TNFSF4: variants seen among roughly 807,000 people sequenced by gnomAD.
TNFSF4 encodes the protein tumor necrosis factor ligand superfamily member 4.
Under a neutral mutation model 7.3 loss-of-function variants are expected in TNFSF4, and 4 were observed. The observed-to-expected ratio is 0.55, with a 90% CI of 0.27 to 1.25. TNFSF4 has a LOEUF of 1.25. Among genes scored for constraint, TNFSF4 ranks in the 50% most tolerant of loss-of-function variants. The pLI, the probability that TNFSF4 is intolerant of heterozygous loss-of-function variation, is 0.12. For missense variants in TNFSF4, 181 were observed against 208.8 expected, an observed-to-expected ratio of 0.87 and a Z score of 0.82; for synonymous variants, 76 against 83.7, an observed-to-expected ratio of 0.91 and a Z score of 0.50.
chr1:173,409,782 GCA>G, the TNFSF4 span, among the ~76,000 whole-genome samples: 1 of 152,144 alleles, frequency 6.6e-6, no homozygotes, highest in African/African-American at 2.4e-5. Flanking sequence ...GGTTACGCTG[GCA>G]GGAGGATGAA....
chr1:173,315,532 A>T, the TNFSF4 span, among the ~76,000 whole-genome samples: 1 of 152,140 alleles, frequency 6.6e-6, no homozygotes, highest in African/African-American at 2.4e-5. Flanking sequence ...ATGAAATCAT[A>T]CTGCAACCAT....
the TNFSF4 span, among the ~76,000 whole-genome samples, chr1:173,323,714 T>C: frequency 6.6e-6 from 1 of 151,876 alleles, no homozygotes; most frequent in African/African-American, 2.4e-5. Context: ...ACATGATGAA[T>C]GCACAAGCCA....
the TNFSF4 span, among the ~76,000 whole-genome samples, chr1:173,245,892 T>A: frequency 1.3e-5 from 2 of 152,258 alleles, no homozygotes; most frequent in African/African-American, 4.8e-5. Flanking sequence ...TCCAGGTTCA[T>A]CCATGTTGCC....
At chr1:173,339,303 GC>G in the TNFSF4 span, among the ~76,000 whole-genome samples, 1 of 152,084 alleles carries the variant, frequency 6.6e-6, no homozygotes, top group Non-Finnish European at 1.5e-5. Flanking sequence ...GTTCACTTGA[GC>G]CCAGGAGCTA....
At chr1:173,306,819 C>A in the TNFSF4 span, among the ~76,000 whole-genome samples, 1 of 151,868 alleles carries the variant, frequency 6.6e-6, no homozygotes, top group South Asian at 2.1e-4. Flanking sequence ...CTTGTCAGGC[C>A]AGATGCTAGA....
chr1:173,278,086 C>T, the TNFSF4 span, among the ~76,000 whole-genome samples: 3 of 152,224 alleles, frequency 2.0e-5, no homozygotes, highest in Non-Finnish European at 4.4e-5. Flanking sequence ...GCTCTCAGAT[C>T]ATTTAAATAG....
chr1:173,221,526 G>GT, the TNFSF4 span, among the ~76,000 whole-genome samples: 1 of 152,172 alleles, frequency 6.6e-6, no homozygotes. Context: ...ATTAGATACG[G>GT]TAAGTAATGG....
chr1:173,301,214 T>G, the TNFSF4 span, among the ~76,000 whole-genome samples: 3 of 151,902 alleles, frequency 2.0e-5, no homozygotes, highest in African/African-American at 7.2e-5. Flanking sequence ...AAATCTATTT[T>G]GATAGAAAAT....
At chr1:173,348,780 T>C in the TNFSF4 span, among the ~76,000 whole-genome samples, 1 of 152,104 alleles carries the variant, frequency 6.6e-6, no homozygotes, top group Non-Finnish European at 1.5e-5. Flanking sequence ...CCAATGAATA[T>C]AAAAAATTTG....
chr1:173,191,902 T>C (rs1335073257), intron 1 of TNFSF4, among the ~76,000 whole-genome samples: 1 of 152,160 alleles, frequency 6.6e-6, no homozygotes, highest in Non-Finnish European at 1.5e-5. Flanking sequence ...GTAGGCCAGA[T>C]GCAGTGGCTG....
the TNFSF4 span, among the ~76,000 whole-genome samples, chr1:173,320,065 T>A: frequency 6.6e-6 from 1 of 152,064 alleles, no homozygotes; most frequent in African/African-American, 2.4e-5. Context: ...CTGATGAACA[T>A]GGACACAAAA....
At chr1:173,234,950 A>G in the TNFSF4 span, among the ~76,000 whole-genome samples, 2 of 152,170 alleles carry the variant, frequency 1.3e-5, no homozygotes, top group Non-Finnish European at 2.9e-5. Context: ...TATAATAATA[A>G]TAATTTAAAA....
chr1:173,204,736 ACACCACCAC>A (rs561791275), intron 1 of TNFSF4, among the ~76,000 whole-genome samples: 3 of 151,808 alleles, frequency 2.0e-5, no homozygotes, highest in Admixed American at 2.0e-4. Flanking sequence ...ATCACTACCA[ACACCACCAC>A]CACCACCACC....
At chr1:173,195,013 C>T (rs1282742596) in intron 1 of TNFSF4, among the ~76,000 whole-genome samples, 2 of 151,936 alleles carry the variant, frequency 1.3e-5, no homozygotes, top group Non-Finnish European at 2.9e-5. Flanking sequence ...GAATAACTAC[C>T]CATATTTTAC....
chr1:173,393,829 A>G, the TNFSF4 span, among the ~76,000 whole-genome samples: 2 of 152,234 alleles, frequency 1.3e-5, no homozygotes, highest in African/African-American at 4.8e-5. Flanking sequence ...TAGCTGAGAC[A>G]TGTGAGAAAC....
chr1:173,258,135 A>C, the TNFSF4 span, among the ~76,000 whole-genome samples: 1 of 152,156 alleles, frequency 6.6e-6, no homozygotes, highest in Non-Finnish European at 1.5e-5. Context: ...GGCTTCCAGC[A>C]GACTTCTAGC....
At chr1:173,385,789 T>C in the TNFSF4 span, among the ~76,000 whole-genome samples, 1 of 151,916 alleles carries the variant, frequency 6.6e-6, no homozygotes, top group South Asian at 2.1e-4. Context: ...CAGTGAGCCA[T>C]GATGATCATG....
chr1:173,427,420 C>G, the TNFSF4 span, among the ~76,000 whole-genome samples: 9 of 152,074 alleles, frequency 5.9e-5, no homozygotes, highest in East Asian at 5.8e-4. Flanking sequence ...GCCCGCCCCC[C>G]CACTGACCCC....
At chr1:173,442,545 G>T in the TNFSF4 span, among the ~76,000 whole-genome samples, 168 of 93,358 alleles carry the variant, frequency 1.8e-3, 2 homozygotes, top group South Asian at 2.4e-3. Flanking sequence ...TTTCGTTTTT[G>T]TTTTTGTTTT....
Sources: gnomAD v4.1 joint callset for allele counts (sites outside exome capture counted in the v4.1 genomes callset) on GRCh38, gnomAD v4.1.1 for gene constraint, MANE v1.5 for transcripts, NCBI Gene and HGNC (gene_info 2026-07-23, HGNC 2026-07-21) for gene names.